PRKG2: variants seen among roughly 807,000 people sequenced by gnomAD.
PRKG2 encodes the protein cGMP-dependent protein kinase 2.
Under a neutral mutation model 97.2 loss-of-function variants are expected in PRKG2, and 33 were observed. The observed-to-expected ratio is 0.34, with a 90% CI of 0.26 to 0.45. The LOEUF (loss-of-function observed/expected upper bound fraction) is 0.45. Ranked by LOEUF, PRKG2 falls within the 20% of genes least tolerant of loss-of-function variation. The pLI is 1.00. For missense variants in PRKG2, 638 were observed against 900.0 expected, an observed-to-expected ratio of 0.71 and a Z score of 3.73; for synonymous variants, 330 against 321.8, an observed-to-expected ratio of 1.03 and a Z score of -0.27.
At chr4:81,091,871 T>C (rs570410879) in intron 18 of PRKG2, among the ~76,000 whole-genome samples, 1 of 152,276 alleles carries the variant, frequency 6.6e-6, no homozygotes, top group Admixed American at 6.5e-5. Context: ...ACTTGAAATG[T>C]CGCTCTTCTG....
chr4:81,188,782 G>C (rs1328015880), intron 2 of PRKG2, among the ~76,000 whole-genome samples: 15 of 102,590 alleles, frequency 1.5e-4, no homozygotes, highest in East Asian at 3.5e-4. Context: ...AACAAAAAAC[G>C]AAACACCGCA....
At chr4:81,156,350 T>TA (rs1749091945) in intron 6 of PRKG2, among the ~76,000 whole-genome samples, 1 of 152,050 alleles carries the variant, frequency 6.6e-6, no homozygotes, top group Non-Finnish European at 1.5e-5. Flanking sequence ...TATTTAATGG[T>TA]AAAGGGATCA....
At chr4:81,200,406 A>T (rs943940833) in intron 2 of PRKG2, among the ~76,000 whole-genome samples, 2 of 152,198 alleles carry the variant, frequency 1.3e-5, no homozygotes, top group Admixed American at 1.3e-4. Flanking sequence ...CTTAGTAGGC[A>T]TCGATGCAAT....
At position 81,198,828 on chromosome 4, in the gene PRKG2, G is replaced by A. The variant is rs79095290; in HGVS notation, c.461+5759C>T. On this transcript the variant is annotated intron_variant, in intron 2 of 18. Transcript: ENST00000264399. Reference sequence around the variant, plus strand: ...CTTAGTTTTTTCATCCCATCGCTGAGTAGCTAGTTTTGATCTGAGTGTCTA... The same window carrying A: ...CTTAGTTTTTTCATCCCATCGCTGAATAGCTAGTTTTGATCTGAGTGTCTA... Among the ~76,000 whole-genome samples, 354 of 152,244 alleles carry A rather than the reference G, an allele frequency of 2.3e-3. 2 individuals carry two copies. Among genetic ancestry groups the A allele is most frequent in the African/African-American group, 8.1e-3 (336 of 41,532 alleles).
At chr4:81,211,163 G>C (rs1248913938) in intron 1 of PRKG2, among the ~76,000 whole-genome samples, 1 of 152,032 alleles carries the variant, frequency 6.6e-6, no homozygotes, top group African/African-American at 2.4e-5. Flanking sequence ...ATATACAAAA[G>C]GAATGAACCC....
intron 2 of PRKG2, chr4:81,176,117 A>G (rs970078974): frequency 1.3e-5 from 2 of 152,138 alleles, no homozygotes; most frequent in African/African-American, 4.8e-5. Flanking sequence ...AACAGAATGA[A>G]GTCTTGTACA....
intron 14 of PRKG2, among the ~76,000 whole-genome samples, chr4:81,126,810 T>C (rs564423464): frequency 6.6e-6 from 1 of 152,180 alleles, no homozygotes; most frequent in African/African-American, 2.4e-5. Context: ...TTTTCTCCCA[T>C]TCTGTAGGTT....
intron 1 of PRKG2, among the ~76,000 whole-genome samples, chr4:81,214,360 C>A (rs914274874): frequency 1.1e-4 from 16 of 151,936 alleles, no homozygotes; most frequent in Non-Finnish European, 2.9e-5. Flanking sequence ...GAACCTATTT[C>A]TTTTTTTCTC....
chr4:81,128,801 G>C (rs1191281487), intron 14 of PRKG2, among the ~76,000 whole-genome samples: 2 of 150,770 alleles, frequency 1.3e-5, no homozygotes, highest in East Asian at 3.9e-4. Context: ...ATTTTTTGAA[G>C]GGTTTTTCAT....
At chr4:81,105,964 C>T in intron 15 of PRKG2, 29 bp from the exon 16 acceptor site, 1 of 1,596,180 alleles carries the variant, frequency 6.3e-7, no homozygotes, top group Non-Finnish European at 8.6e-7. Context: ...GAACAGGACA[C>T]ATTAATAACA....
At chr4:81,098,023 GGT>G (rs1203506340) in intron 17 of PRKG2, among the ~76,000 whole-genome samples, 1 of 152,082 alleles carries the variant, frequency 6.6e-6, no homozygotes, top group African/African-American at 2.4e-5. Context: ...ACTGATCTTG[GGT>G]GTGTTTGTGA....
intron 17 of PRKG2, among the ~76,000 whole-genome samples, chr4:81,093,773 A>C (rs896590758): frequency 7.2e-5 from 11 of 152,220 alleles, no homozygotes; most frequent in Non-Finnish European, 1.5e-4. Context: ...TTTCAAGTAT[A>C]TATTTCAAGC....
intron 2 of PRKG2, among the ~76,000 whole-genome samples, chr4:81,194,923 C>CAAAT (rs1553930897): frequency 2.2e-4 from 33 of 151,334 alleles, no homozygotes; most frequent in African/African-American, 7.0e-4. Context: ...TTTTAATATA[C>CAAAT]ATATATATAT....
intron 2 of PRKG2, among the ~76,000 whole-genome samples, chr4:81,184,470 C>T (rs530814520): frequency 5.3e-5 from 8 of 152,242 alleles, no homozygotes; most frequent in East Asian, 3.9e-4. Flanking sequence ...GATGCCCACA[C>T]AGAAACCCCA....
upstream of PRKG2, among the ~76,000 whole-genome samples, chr4:81,216,191 A>G (rs1754267040): frequency 6.6e-6 from 1 of 152,326 alleles, no homozygotes; most frequent in African/African-American, 2.4e-5. Flanking sequence ...TGTTACATAC[A>G]TAAACTTATA....
intron 7 of PRKG2, among the ~76,000 whole-genome samples, chr4:81,152,498 G>A (rs1480439953): frequency 6.6e-6 from 1 of 152,170 alleles, no homozygotes. Flanking sequence ...CGAATCCTGT[G>A]CACCTCCTAA....
intron 8 of PRKG2, among the ~76,000 whole-genome samples, 178 bp downstream of exon 8, chr4:81,151,782 C>T (rs1748426851): frequency 6.6e-6 from 1 of 152,116 alleles, no homozygotes; most frequent in Admixed American, 6.6e-5. Context: ...ATTATTTCCT[C>T]TGCAAATTAG....
Position 81,144,618 on chromosome 4 carries a change from T to TTA in PRKG2, c.1155-289_1155-288insTA, listed in dbSNP as rs1158678292. On this transcript the variant is annotated intron_variant, in intron 9 of 18. Transcript: ENST00000264399. ...GTTATATATATATATATATTTTTTT[T>TTA]TTATTATACTTTAAGTTCTAGGGTA... 6.0e-5 allele frequency among the ~76,000 whole-genome samples: 9 copies of TTA among 150,146 alleles called. No homozygotes were observed. The East Asian group carries it at 1.2e-3, about 20-fold the overall frequency.
intron 13 of PRKG2, 149 bp from the exon 14 acceptor site, chr4:81,135,445 G>T: frequency 1.4e-6 from 1 of 701,542 alleles, no homozygotes; most frequent in Non-Finnish European, 2.1e-6. Flanking sequence ...TACTACCCAT[G>T]AATTAAGCTG....
Sources: allele counts gnomAD v4.1 joint callset (sites outside exome capture counted in the v4.1 genomes callset), GRCh38; gene constraint gnomAD v4.1.1; transcripts MANE v1.5; gene names NCBI Gene and HGNC (gene_info 2026-07-23, HGNC 2026-07-21).